SLC25A29: variants seen among roughly 807,000 people sequenced by gnomAD.
SLC25A29 encodes the protein mitochondrial basic amino acids transporter.
Under a neutral mutation model 10.0 loss-of-function variants are expected in SLC25A29, and 13 were observed. The ratio of observed to expected loss-of-function variants is 1.30; its 90% confidence interval spans 0.85 to 2.07. The LOEUF is 2.07. Ranked by LOEUF, SLC25A29 falls within the 30% of genes most tolerant of loss-of-function variation. SLC25A29 has a pLI of 0.00. For missense variants in SLC25A29, 475 were observed against 447.6 expected (o/e 1.06, Z -0.55); for synonymous variants, 244 against 221.1 (o/e 1.10, Z -0.92).
intron 2 of SLC25A29, among the ~76,000 whole-genome samples, chr14:100,296,753 C>T (rs1022824526): frequency 6.6e-6 from 1 of 152,144 alleles, no homozygotes; most frequent in South Asian, 2.1e-4. Context: ...CACCCGCCAC[C>T]ACGCCCGGCT....
At chr14:100,287,960 C>T (rs2139639793), downstream of SLC25A29, among the ~76,000 whole-genome samples, 1 of 152,312 alleles carries the variant, frequency 6.6e-6, no homozygotes, top group East Asian at 1.9e-4. Context: ...TCCAGGCATC[C>T]TATTCCCTTT....
intron 2 of SLC25A29, 104 bp from the exon 3 acceptor site, chr14:100,293,481 G>T: frequency 1.1e-6 from 1 of 942,160 alleles, no homozygotes; most frequent in Non-Finnish European, 1.7e-6. Flanking sequence ...AGGAGGCCGG[G>T]CACTCAGGCA....
intron 2 of SLC25A29, among the ~76,000 whole-genome samples, chr14:100,297,240 C>T (rs78224648): frequency 0.026 from 4,013 of 152,316 alleles, 112 homozygotes; most frequent in South Asian, 0.073. Context: ...ACCCTCCAGA[C>T]GCCAGTGAAG....
At chr14:100,298,478 C>T (rs1020978486) in intron 2 of SLC25A29, 1 of 352,700 alleles carries the variant, frequency 2.8e-6, no homozygotes, top group Admixed American at 4.3e-5. Flanking sequence ...AGATCATGTT[C>T]ATGGGAGATA....
the SLC25A29 span, chr14:100,279,941 C>T: frequency 6.6e-6 from 1 of 152,298 alleles, no homozygotes; most frequent in Non-Finnish European, 1.5e-5. Context: ...GTGCCTTGAT[C>T]CCTTGGGGGT....
chr14:100,299,825 G>T, intron 1 of SLC25A29: 2 of 985,360 alleles, frequency 2.0e-6, no homozygotes, highest in Non-Finnish European at 2.4e-6. Context: ...TGCCAGTAGC[G>T]TTTATGTATA....
chr14:100,292,531 G>A lies in SLC25A29; in HGVS notation c.664C>T (p.Leu222=). Residue 222 remains leucine (L), a synonymous_variant, in exon 4 of 4, where the codon CTG becomes TTG. Coordinates refer to ENST00000359232, the MANE Select transcript of SLC25A29 (RefSeq NM_001039355.3). ...VVKSRLQADG[L]RGAPRYRGIL... is the part of the protein sequence containing the mutation. ...CCGCGGTAGCGCGGGGCGCCCCGCA[G>A]TCCGTCCGCCTGCAGCCGCGACTTG... 4 of 1,593,474 alleles carry A rather than the reference G, an allele frequency of 2.5e-6. No individual in the cohort carries two copies. Among genetic ancestry groups the A allele is most frequent in the Non-Finnish European group, 3.4e-6 (4 of 1,171,614 alleles).
intron 1 of SLC25A29, 169 bp from the exon 2 acceptor site, chr14:100,299,054 C>T (rs1276029201): frequency 6.9e-7 from 1 of 1,444,516 alleles, no homozygotes; most frequent in Non-Finnish European, 9.1e-7. Context: ...CCCCTGGAAT[C>T]CTCACGTCCA....
At chr14:100,297,407 A>G (rs916327534) in intron 2 of SLC25A29, among the ~76,000 whole-genome samples, 1 of 152,142 alleles carries the variant, frequency 6.6e-6, no homozygotes, top group Admixed American at 6.6e-5. Context: ...GCCGGGCAGA[A>G]GCCCAGCAGG....
chr14:100,290,064 A>G (rs1891630070), downstream of SLC25A29, among the ~76,000 whole-genome samples: 1 of 152,160 alleles, frequency 6.6e-6, no homozygotes, highest in Non-Finnish European at 1.5e-5. Flanking sequence ...CCCAGAGGGC[A>G]GGCAGCCGCA....
chr14:100,296,970 C>T (rs558614634), intron 2 of SLC25A29, among the ~76,000 whole-genome samples: 1 of 152,130 alleles, frequency 6.6e-6, no homozygotes, highest in South Asian at 2.1e-4. Context: ...TGGCACGTGC[C>T]TGTAATCCCA....
Position 100,292,289 on chromosome 14 carries a change from G to T in SLC25A29, c.906C>A (p.Ser302Arg). 2 of 1,531,844 alleles carry T rather than the reference G, an allele frequency of 1.3e-6. No homozygotes were observed. The highest frequency in any genetic ancestry group is 2.5e-5 in the East Asian group (1 of 40,092). 94.9% of individuals were successfully genotyped at this position (1,531,844 alleles called of 1,614,324 possible). ...PAGPALAQPS[S>R]L ...AAGGAGGGCGGGGTGAGCGTCACAG[G>T]CTGGAGGGCTGCGCCAGGGCAGGCC... Residue 302 changes from serine (S) to arginine (R), a missense_variant, in exon 4 of 4, where the codon AGC becomes AGA. Transcript: ENST00000359232.
the SLC25A29 span, chr14:100,281,158 G>A: frequency 6.6e-6 from 1 of 150,970 alleles, no homozygotes; most frequent in African/African-American, 2.4e-5. Flanking sequence ...CACTTCCAGG[G>A]TCTCTGACTT....
chr14:100,280,252 A>T, the SLC25A29 span: 5 of 152,240 alleles, frequency 3.3e-5, no homozygotes, highest in Non-Finnish European at 5.9e-5. Flanking sequence ...TTGAAATGGT[A>T]TTCTAACAGT....
chr14:100,293,336 G>A lies in SLC25A29; in HGVS notation c.120C>T (p.Arg40=), dbSNP rs763754300. ...TGGACTTGAAGCAGTGCAACGTCCC[G>A]CGGTACTGAGGCTTCTCCACGCTCT... is the stretch of plus-strand genomic sequence containing the variant. ...QVQSVEKPQY[R]GTLHCFKSII... The change falls in exon 3 of 4, where the codon CGC becomes CGT. Residue 40 remains arginine (R), a synonymous_variant. Coordinates refer to ENST00000359232, the MANE Select transcript of SLC25A29 (RefSeq NM_001039355.3). 11 of 1,613,388 alleles carry A rather than the reference G, an allele frequency of 6.8e-6. No homozygotes were observed. Among genetic ancestry groups the A allele is most frequent in the Middle Eastern group, 1.7e-4 (1 of 6,052 alleles).
chr14:100,278,959 TC>T, the SLC25A29 span: 1 of 152,254 alleles, frequency 6.6e-6, no homozygotes, highest in Non-Finnish European at 1.5e-5. Flanking sequence ...GAGCCCTTGT[TC>T]CTCCATCTAG....
the SLC25A29 span, chr14:100,281,060 C>CAAAAAAAAA: frequency 3.1e-3 from 146 of 47,776 alleles, 51 homozygotes; most frequent in African/African-American, 0.011. Context: ...ACTCCGTCTC[C>CAAAAAAAAA]CAAAAAAAAA....
downstream of SLC25A29, among the ~76,000 whole-genome samples, chr14:100,288,597 A>G (rs914718314): frequency 3.3e-5 from 1 of 30,442 alleles, no homozygotes; most frequent in East Asian, 1.4e-3. Flanking sequence ...CCCAGCCCCC[A>G]CCCACCCCTT....
intron 1 of SLC25A29, 184 bp from the exon 2 acceptor site, chr14:100,299,069 G>A (rs1237779868): frequency 7.0e-7 from 1 of 1,435,816 alleles, no homozygotes; most frequent in Non-Finnish European, 9.1e-7. Flanking sequence ...CGTCCACTGG[G>A]AGGGTATGCA....
Sources: allele counts gnomAD v4.1 joint callset (sites outside exome capture counted in the v4.1 genomes callset), GRCh38; gene constraint gnomAD v4.1.1; transcripts MANE v1.5; gene names NCBI Gene and HGNC (gene_info 2026-07-23, HGNC 2026-07-21).